Variants in NKTR observed in about 807,000 individuals in gnomAD.
NKTR encodes the protein NK-tumor recognition protein.
In NKTR, 67 loss-of-function variants were observed where a neutral mutation model predicts 156.3. The ratio of observed to expected loss-of-function variants is 0.43; its 90% confidence interval spans 0.35 to 0.53. NKTR has a LOEUF of 0.53. NKTR is among the 20% of genes least tolerant of loss of function. NKTR has a pLI of 0.01. For synonymous variants in NKTR, 640 were observed against 596.6 expected (o/e 1.07, Z -1.06); for missense variants, 1,604 against 1,730.9 (o/e 0.93, Z 1.30).
At chr3:42,620,951 A>G (rs1223853444) in intron 5 of NKTR, 1 of 900,708 alleles carries the variant, frequency 1.1e-6, no homozygotes, top group African/African-American at 1.8e-5. Flanking sequence ...ATATAACATA[A>G]TTTTTTTGTC....
At chr3:42,628,375 A>G in intron 6 of NKTR, 2 of 985,216 alleles carry the variant, frequency 2.0e-6, no homozygotes, top group Non-Finnish European at 2.4e-6. Context: ...TGAATGTCAT[A>G]AAGATAGCTA....
intron 2 of NKTR, among the ~76,000 whole-genome samples, chr3:42,611,694 C>A (rs1706830912): frequency 6.8e-6 from 1 of 146,610 alleles, no homozygotes; most frequent in Admixed American, 6.8e-5. Flanking sequence ...GATCGTGCCA[C>A]TGCACTCCAG....
intron 6 of NKTR, chr3:42,629,375 A>T (rs563143274): frequency 3.3e-5 from 31 of 946,798 alleles, no homozygotes; most frequent in South Asian, 4.9e-5. Context: ...TAATTTTTTT[A>T]AATTAAATTC....
chr3:42,626,073 G>A (rs1708356136), intron 6 of NKTR, among the ~76,000 whole-genome samples: 2 of 152,112 alleles, frequency 1.3e-5, no homozygotes, highest in South Asian at 4.1e-4. Context: ...ATAGTTTCAG[G>A]AGTTGAAGGG....
intron 6 of NKTR, chr3:42,629,790 A>G (rs935130961): frequency 3.0e-6 from 3 of 985,440 alleles, no homozygotes; most frequent in Middle Eastern, 5.2e-4. Context: ...ATCTTAACCA[A>G]ATATACCCTG....
At position 42,637,592 on chromosome 3, in the gene NKTR, T is replaced by C; in HGVS notation, c.1888T>C (p.Tyr630His). The change falls in exon 13 of 17, where the codon TAT (tyrosine) becomes CAT (histidine). Residue 630 changes from tyrosine (Y) to histidine (H), a missense_variant. By Grantham distance (83) the Tyr-to-His change is moderately conservative (BLOSUM62 2). Transcript: ENST00000232978. ...TGGACAGAAACCTTGGAAGCCCTCT[T>C]ATGAGCGAATTCAGGAAATGAAAGC... ...KPGQKPWKPS[Y>H]ERIQEMKAKT... 2 of 1,610,658 alleles carry C rather than the reference T, an allele frequency of 1.2e-6. No homozygotes were observed. The highest frequency in any genetic ancestry group is 1.7e-4 in the Middle Eastern group (1 of 6,024).
At chr3:42,633,805 C>T (rs912641590) in intron 10 of NKTR, 70 bp downstream of exon 10, 14 of 1,542,618 alleles carry the variant, frequency 9.1e-6, no homozygotes, top group Non-Finnish European at 1.2e-5. Flanking sequence ...CATTGCATTC[C>T]ACACTCATGT....
rs1255969862 is a variant in NKTR at position 42,639,312 on chromosome 3, G to A, written c.3608G>A (p.Ser1203Asn). Reference sequence around the variant, plus strand: ...GACAGCAGCTCTGCTAGCTTGGCTAGTGCTGGAGAAAGTACCGGGAAGAAG... The same window carrying A: ...GACAGCAGCTCTGCTAGCTTGGCTAATGCTGGAGAAAGTACCGGGAAGAAG... ...KQDSSSASLA[S>N]AGESTGKKEV... Residue 1203 changes from serine to asparagine, a missense_variant, in exon 13 of 17, where the codon AGT (serine) becomes AAT (asparagine). Transcript: ENST00000232978. 1.2e-6 allele frequency: 2 copies of A among 1,614,076 alleles called. No homozygotes were observed. The highest frequency in any genetic ancestry group is 2.7e-5 in the African/African-American group (2 of 74,924).
intron 6 of NKTR, among the ~76,000 whole-genome samples, chr3:42,622,561 G>C (rs1404017856): frequency 6.6e-6 from 1 of 151,990 alleles, no homozygotes. Context: ...ATAAAGTTCA[G>C]ATAAGGGGCA....
intron 13 of NKTR, among the ~76,000 whole-genome samples, chr3:42,639,985 T>A (rs1332081028): frequency 6.6e-6 from 1 of 152,198 alleles, no homozygotes; most frequent in African/African-American, 2.4e-5. Flanking sequence ...TCTCTGTCAC[T>A]AGAAATGAGT....
At position 42,646,712 on chromosome 3, in the gene NKTR, A is replaced by T. The variant is rs979298535; in HGVS notation, c.*737A>T. On this transcript the variant is annotated 3_prime_UTR_variant, in exon 17 of 17. Transcript: ENST00000232978. ...AAGTTTAGGTTATAAAAACAATTCT[A>T]CTTCATGCTTTGGTGCTTGGTAATT... The T allele has an allele frequency of 2.0e-5, 3 of 152,662 alleles. No homozygotes were observed. The highest frequency in any genetic ancestry group is 7.2e-5 in the African/African-American group (3 of 41,458). The allele number at this position is 152,662 out of a possible 1,614,324, so 9.5% of individuals were successfully genotyped here.
intron 3 of NKTR, among the ~76,000 whole-genome samples, 158 bp from the exon 4 acceptor site, chr3:42,618,862 A>C (rs1707648542): frequency 6.6e-6 from 1 of 152,112 alleles, no homozygotes; most frequent in Non-Finnish European, 1.5e-5. Flanking sequence ...GTTTGCGTGC[A>C]TGTGTGTATG....
In NKTR at chr3:42,648,578, T is replaced by C. The variant is rs1710493418; in HGVS notation, c.*2603T>C. ...AGGAAATGCATTATTGGACTGTTTTTGTAACATCCTGTTTATTGCAAATAG... is the reference window on the plus strand; with the variant it reads ...AGGAAATGCATTATTGGACTGTTTTCGTAACATCCTGTTTATTGCAAATAG... On this transcript the variant is annotated 3_prime_UTR_variant, in exon 17 of 17. Coordinates refer to ENST00000232978, the MANE Select transcript of NKTR (RefSeq NM_005385.4). The C allele has an allele frequency of 6.5e-6, 1 of 152,696 alleles. No individual in the cohort carries two copies. The highest frequency in any genetic ancestry group is 6.5e-5 in the Admixed American group (1 of 15,288). 9.5% of individuals were successfully genotyped at this position (152,696 alleles called of 1,614,324 possible). A position where few individuals can be genotyped will look rare whatever the true frequency, so the allele number is the denominator to read the frequency against.
chr3:42,638,827 GAAAA>G lies in NKTR; in HGVS notation c.3126_3129del (p.Lys1043PhefsTer8). The stretch of plus-strand genomic sequence containing the variant: ...AGCAAGTTACTCAGGAATCAAAAGA[GAAAA>G]AAGTTTCTGAAAACAATGAAACCAT... On this transcript the variant is annotated frameshift_variant, in exon 13 of 17. Coordinates refer to ENST00000232978, the MANE Select transcript of NKTR (RefSeq NM_005385.4). LOFTEE classifies it high-confidence loss of function. 1 of 1,601,298 alleles carries G rather than the reference GAAAA, an allele frequency of 6.2e-7. No homozygotes were observed. Among genetic ancestry groups the G allele is most frequent in the South Asian group, 1.1e-5 (1 of 88,004 alleles).
rs535340280 is a variant in NKTR, at chr3:42,601,357, T to C, written c.58+293T>C. On this transcript the variant is annotated intron_variant, in intron 2 of 16. Coordinates refer to ENST00000232978, the MANE Select transcript of NKTR (RefSeq NM_005385.4). ...AGGAGGTGCAGTTCTTTGAGGACTT[T>C]TTCTCTCCCAGTGTCTCCGTGAGGC... 2.1e-3 allele frequency: 572 copies of C among 274,026 alleles called. 2 individuals are homozygous for C. The highest frequency in any genetic ancestry group is 6.3e-3 in the Middle Eastern group (6 of 952). 17.0% of individuals were successfully genotyped at this position (274,026 alleles called of 1,614,324 possible).
Position 42,639,626 on chromosome 3 carries a change from G to C in NKTR, c.3922G>C (p.Asp1308His), listed in dbSNP as rs575422464. 9.4e-5 allele frequency: 151 copies of C among 1,614,192 alleles called. 2 individuals are homozygous for C. The Admixed American group carries it at 2.2e-3, about 23-fold the overall frequency. Residue 1308 changes from aspartate (D) to histidine (H), a missense_variant, in exon 13 of 17, where the codon GAT becomes CAT. Transcript: ENST00000232978. Reference protein sequence around the residue: ...SDEQTPSRDDDSQSRSPSRSR... With the variant: ...SDEQTPSRDDHSQSRSPSRSR... The stretch of plus-strand genomic sequence containing the variant: ...TGAGCAGACGCCTAGTCGGGATGAT[G>C]ATAGCCAGTCCAGGAGTCCAAGTAG...
chr3:42,614,700 G>GT (rs1352584234), intron 2 of NKTR, among the ~76,000 whole-genome samples: 1 of 151,850 alleles, frequency 6.6e-6, no homozygotes, highest in African/African-American at 2.4e-5. Flanking sequence ...ATGCTGTTTT[G>GT]TTTTTTTGAC....
rs1415266396 is a variant in NKTR at position 42,632,703 on chromosome 3, A to T, written c.653A>T (p.His218Leu). The stretch of plus-strand genomic sequence containing the variant: ...TCATCTTCAGAAAGTGAACTTGAAC[A>T]TGAGAGAAGCAGAAGGAGGAAACAT... Reference protein sequence around the residue: ...SESSSESELEHERSRRRKHKR... With the variant: ...SESSSESELELERSRRRKHKR... The change falls in exon 9 of 17, where the codon CAT becomes CTT. Residue 218 changes from histidine to leucine, a missense_variant. His to Leu is a moderately conservative substitution (Grantham distance 99). This residue lies in a region of NKTR where 1,255 missense variants were observed against 1,243.7 expected (regional missense o/e 1.01). Transcript: ENST00000232978. The T allele has an allele frequency of 6.2e-7, 1 of 1,613,882 alleles. No homozygotes were observed. The highest frequency in any genetic ancestry group is 1.7e-5 in the Admixed American group (1 of 59,998).
At position 42,646,895 on chromosome 3, in the gene NKTR, G is replaced by C. The variant is rs1361134298; in HGVS notation, c.*920G>C. 5 of 152,432 alleles carry C rather than the reference G, an allele frequency of 3.3e-5. No homozygotes were observed. The highest frequency in any genetic ancestry group is 1.2e-4 in the African/African-American group (5 of 41,562). 9.4% of individuals were successfully genotyped at this position (152,432 alleles called of 1,614,324 possible). On this transcript the variant is annotated 3_prime_UTR_variant, in exon 17 of 17. Transcript: ENST00000232978. ...CTCTCAAGTACAGATGTGGGTTGGG[G>C]TCCCCTGGAGCAGGCAGGATTGGCA...
Sources: allele counts gnomAD v4.1 joint callset (sites outside exome capture counted in the v4.1 genomes callset), GRCh38; gene constraint gnomAD v4.1.1; regional missense constraint gnomAD v4.1.1; transcripts MANE v1.5; gene names NCBI Gene and HGNC (gene_info 2026-07-23, HGNC 2026-07-21).